The following ANKRD11 variants were observed in gnomAD, a reference collection of about 807,000 sequenced individuals.
ANKRD11 encodes the protein ankyrin repeat domain-containing protein 11.
A neutral mutation model predicts 195.7 loss-of-function variants in ANKRD11; 17 were observed. The observed-to-expected ratio is 0.09, with a 90% CI of 0.06 to 0.13. ANKRD11 has a LOEUF of 0.13. Ranked by LOEUF, ANKRD11 falls within the 10% of genes least tolerant of loss-of-function variation. The pLI, the probability that ANKRD11 is intolerant of heterozygous loss-of-function variation, is 1.00. For missense variants in ANKRD11, 3,735 were observed against 3,566.1 expected, an observed-to-expected ratio of 1.05 and a Z score of -1.21; for synonymous variants, 1,953 against 1,528.1, an observed-to-expected ratio of 1.28 and a Z score of -6.49.
At chr16:89,309,617 A>G (rs2036499029) in intron 3 of ANKRD11, among the ~76,000 whole-genome samples, 1 of 152,218 alleles carries the variant, frequency 6.6e-6, no homozygotes, top group Non-Finnish European at 1.5e-5. Context: ...AGCTGCCTAC[A>G]ACAGGGAGCG....
intron 2 of ANKRD11, among the ~76,000 whole-genome samples, chr16:89,404,831 T>G (rs771944046): frequency 9.2e-5 from 14 of 152,252 alleles, no homozygotes; most frequent in African/African-American, 3.4e-4. Context: ...ACCTTGACGC[T>G]GAATGTACTA....
At chr16:89,472,714 G>T (rs759003788) in intron 1 of ANKRD11, among the ~76,000 whole-genome samples, 18 of 152,172 alleles carry the variant, frequency 1.2e-4, no homozygotes, top group Non-Finnish European at 1.9e-4. Flanking sequence ...CCCTAAGTGT[G>T]CCAAGCCTTT....
chr16:89,411,299 G>A (rs1218603672), intron 2 of ANKRD11, among the ~76,000 whole-genome samples: 3 of 141,784 alleles, frequency 2.1e-5, no homozygotes, highest in African/African-American at 8.4e-5. Context: ...CCAGCAGCCA[G>A]CACTGCCTTC....
intron 7 of ANKRD11, chr16:89,286,578 C>T (rs573174163): frequency 2.4e-5 from 24 of 981,570 alleles, no homozygotes; most frequent in African/African-American, 5.1e-5. Flanking sequence ...CCGGAGTGGT[C>T]GTGGAGGGCT....
chr16:89,402,324 T>C (rs952969322), intron 2 of ANKRD11, among the ~76,000 whole-genome samples: 5 of 152,152 alleles, frequency 3.3e-5, no homozygotes, highest in African/African-American at 1.2e-4. Flanking sequence ...ACAGTTCACA[T>C]GAACTCCTAA....
Position 89,281,335 on chromosome 16 carries a change from A to G in ANKRD11, c.5207T>C (p.Val1736Ala), listed in dbSNP as rs1160541645. 5 of 1,613,424 alleles carry G rather than the reference A, an allele frequency of 3.1e-6. No homozygotes were observed. The highest frequency in any genetic ancestry group is 1.1e-5 in the South Asian group (1 of 91,036). The change falls in exon 9 of 13, where the codon GTG (valine) becomes GCG (alanine). Residue 1736 changes from valine to alanine, a missense_variant. Val to Ala is a moderately conservative substitution (Grantham distance 64, BLOSUM62 0). Coordinates refer to ENST00000301030, the MANE Select transcript of ANKRD11 (RefSeq NM_013275.6). The surrounding 1 kb of genome is among the most constrained non-coding windows in gnomAD (Gnocchi z 5.5). ...SCSADDYADL[V>A]FDCADSQHST... The stretch of plus-strand genomic sequence containing the variant: ...GTGCTGCGAGTCGGCGCAGTCGAAC[A>G]CGAGGTCCGCGTAGTCATCGGCGCT...
At chr16:89,316,748 C>CA (rs1222429214) in intron 3 of ANKRD11, among the ~76,000 whole-genome samples, 185 bp downstream of exon 3, 1 of 152,106 alleles carries the variant, frequency 6.6e-6, no homozygotes, top group East Asian at 1.9e-4. Context: ...ATAACAAATA[C>CA]AAAAAAAGCA....
At chr16:89,443,604 C>G (rs1235798853) in intron 1 of ANKRD11, among the ~76,000 whole-genome samples, 2 of 152,166 alleles carry the variant, frequency 1.3e-5, no homozygotes, top group African/African-American at 4.8e-5. Flanking sequence ...GCCTGCCACG[C>G]ATGGAAAATT....
At position 89,313,682 on chromosome 16, in the gene ANKRD11, C is replaced by T. The variant is rs1402218379; in HGVS notation, c.87+3251G>A. 42 of 1,117,524 alleles carry T rather than the reference C, an allele frequency of 3.8e-5. No homozygotes were observed. The South Asian group carries it at 5.5e-4, about 15-fold the overall frequency. The allele number at this position is 1,117,524 out of a possible 1,614,324, so 69.2% of individuals were successfully genotyped here. ...TGAGCAGAAACCATTTCAGCCTGTA[C>T]CAGGAGAAGGCAGGTCAGATGTGTG... On this transcript the variant is annotated intron_variant, in intron 3 of 12. Transcript: ENST00000301030.
chr16:89,482,520 C>G (rs924702869), intron 1 of ANKRD11, among the ~76,000 whole-genome samples: 2 of 152,210 alleles, frequency 1.3e-5, no homozygotes. Flanking sequence ...CCCCTGGAAC[C>G]TGTGAATGCC....
In ANKRD11 at chr16:89,481,964, C is replaced by G. The variant is rs76683018; in HGVS notation, c.-145+8281G>C. Among the ~76,000 whole-genome samples, 1,313 of 152,072 alleles carry G rather than the reference C, an allele frequency of 8.6e-3. 21 individuals are homozygous for G. The highest frequency in any genetic ancestry group is 0.03 in the African/African-American group (1,227 of 41,468). On this transcript the variant is annotated intron_variant, in intron 1 of 12. Transcript: ENST00000301030. ...ACTTCTTCCCTTAAATCTCCCAGGT[C>G]ACAGAGCCTTTCCCTCCTCTGATCT...
chr16:89,302,531 G>GT (rs2035923420), intron 4 of ANKRD11, among the ~76,000 whole-genome samples: 1 of 152,160 alleles, frequency 6.6e-6, no homozygotes, highest in Non-Finnish European at 1.5e-5. Context: ...GATTACAGCC[G>GT]TGAGCCACCG....
chr16:89,449,202 AAAG>A (rs1342185503), intron 1 of ANKRD11, among the ~76,000 whole-genome samples: 1 of 151,768 alleles, frequency 6.6e-6, no homozygotes, highest in Non-Finnish European at 1.5e-5. Flanking sequence ...AAAAAAAAAA[AAAG>A]AAAAATTTGC....
intron 4 of ANKRD11, chr16:89,297,600 T>C (rs979074057): frequency 2.0e-5 from 3 of 152,238 alleles, no homozygotes; most frequent in Non-Finnish European, 2.9e-5. Context: ...ACCCGGGCAC[T>C]GAGCTCAACG....
At chr16:89,485,458 C>A (rs1468215491) in intron 1 of ANKRD11, among the ~76,000 whole-genome samples, 1 of 152,138 alleles carries the variant, frequency 6.6e-6, no homozygotes, top group Non-Finnish European at 1.5e-5. Context: ...CGTGCCACTG[C>A]ACTCCAGCCT....
intron 11 of ANKRD11, among the ~76,000 whole-genome samples, chr16:89,274,460 A>G (rs1378162577): frequency 6.6e-6 from 1 of 152,052 alleles, no homozygotes; most frequent in Non-Finnish European, 1.5e-5. Flanking sequence ...CAGCAGGTGG[A>G]GCCCAGCAGT....
At chr16:89,349,134 T>TAAAAAAAA (rs59621400) in intron 2 of ANKRD11, among the ~76,000 whole-genome samples, 1,017 of 16,470 alleles carry the variant, frequency 0.062, 132 homozygotes, top group Middle Eastern at 0.14. Context: ...TCTCAAAAAG[T>TAAAAAAAA]AAAAAAAAAA....
intron 2 of ANKRD11, among the ~76,000 whole-genome samples, chr16:89,388,293 A>ATTTTTTTTTTT (rs71134215): frequency 0.025 from 2,104 of 85,174 alleles, 374 homozygotes; most frequent in Non-Finnish European, 0.036. Context: ...CATGAGGCTG[A>ATTTTTTTTTTT]TTTTTTTTTT....
At chr16:89,351,693 G>A (rs1212031804) in intron 2 of ANKRD11, among the ~76,000 whole-genome samples, 1 of 152,168 alleles carries the variant, frequency 6.6e-6, no homozygotes, top group African/African-American at 2.4e-5. Context: ...GCAATTCCAT[G>A]GACACAAAAT....
Sources: gnomAD v4.1 joint callset for allele counts (sites outside exome capture counted in the v4.1 genomes callset) on GRCh38, gnomAD v4.1.1 for gene constraint, Gnocchi (gnomAD v3.1) non-coding constraint, MANE v1.5 for transcripts, NCBI Gene and HGNC (gene_info 2026-07-23, HGNC 2026-07-21) for gene names.